HPSE2: variants seen among roughly 807,000 people sequenced by gnomAD.
HPSE2 encodes the protein heparanase 2 (inactive), also known as inactive heparanase-2.
Under a neutral mutation model 60.5 loss-of-function variants are expected in HPSE2, and 38 were observed. The ratio of observed to expected loss-of-function variants is 0.63; its 90% CI spans 0.48 to 0.82. The LOEUF (loss-of-function observed/expected upper bound fraction) is 0.82. Among genes scored for constraint, HPSE2 ranks in the 40% least tolerant of loss-of-function variants. The pLI, the probability that HPSE2 is intolerant of heterozygous loss-of-function variation, is 0.00. For synonymous variants in HPSE2, 295 were observed against 293.2 expected, an observed-to-expected ratio of 1.01 and a Z score of -0.06; for missense variants, 713 against 740.4, an observed-to-expected ratio of 0.96 and a Z score of 0.43.
chr10:98,703,708 TA>T (rs1948472081), intron 5 of HPSE2, among the ~76,000 whole-genome samples: 1 of 152,122 alleles, frequency 6.6e-6, no homozygotes, highest in Non-Finnish European at 1.5e-5. Context: ...ACCCCTTTGA[TA>T]AAAATCAACA....
intron 3 of HPSE2, among the ~76,000 whole-genome samples, chr10:98,746,414 T>C (rs747896558): frequency 4.6e-5 from 7 of 152,030 alleles, no homozygotes; most frequent in Non-Finnish European, 8.8e-5. Context: ...TTACATGCTT[T>C]ACTATTCAAC....
At chr10:98,968,097 A>C (rs1480909596) in intron 3 of HPSE2, among the ~76,000 whole-genome samples, 1 of 152,166 alleles carries the variant, frequency 6.6e-6, no homozygotes, top group Non-Finnish European at 1.5e-5. Flanking sequence ...CCTATAAGAG[A>C]AAAAAACATG....
intron 5 of HPSE2, among the ~76,000 whole-genome samples, chr10:98,714,794 T>A (rs978823659): frequency 6.6e-6 from 1 of 151,890 alleles, no homozygotes; most frequent in African/African-American, 2.4e-5. Flanking sequence ...TATATTCCCA[T>A]TAGCATTGTA....
intron 6 of HPSE2, among the ~76,000 whole-genome samples, chr10:98,668,113 T>A (rs1947415696): frequency 6.6e-6 from 1 of 152,160 alleles, no homozygotes; most frequent in Non-Finnish European, 1.5e-5. Flanking sequence ...GGCATTTCAA[T>A]ACACCAATAA....
chr10:98,555,329 G>A (rs1051662935), intron 9 of HPSE2, among the ~76,000 whole-genome samples: 12 of 152,132 alleles, frequency 7.9e-5, no homozygotes, highest in African/African-American at 2.7e-4. Flanking sequence ...CCCTCTGAGC[G>A]AGGTGCTGTT....
the HPSE2 span, among the ~76,000 whole-genome samples, chr10:99,278,179 C>T: frequency 1.3e-5 from 2 of 149,798 alleles, no homozygotes; most frequent in African/African-American, 4.9e-5. Context: ...TGATAATGAA[C>T]ATTTGTAAAG....
chr10:98,967,112 G>GT (rs950077803), intron 3 of HPSE2, among the ~76,000 whole-genome samples: 1 of 152,106 alleles, frequency 6.6e-6, no homozygotes, highest in Non-Finnish European at 1.5e-5. Context: ...ACTCCAAACG[G>GT]TTTTTTTCCG....
chr10:98,893,241 A>G (rs1017053596), intron 3 of HPSE2, among the ~76,000 whole-genome samples: 4 of 151,778 alleles, frequency 2.6e-5, no homozygotes, highest in Non-Finnish European at 2.9e-5. Flanking sequence ...CTAATTTTGT[A>G]TTTTTAGTAG....
chr10:98,866,654 G>A (rs1474048592), intron 3 of HPSE2, among the ~76,000 whole-genome samples: 1 of 152,048 alleles, frequency 6.6e-6, no homozygotes, highest in Non-Finnish European at 1.5e-5. Flanking sequence ...AGATAAGTAA[G>A]ACTTCAGATT....
chr10:98,736,098 G>A (rs577473743), intron 4 of HPSE2, among the ~76,000 whole-genome samples: 31 of 152,188 alleles, frequency 2.0e-4, no homozygotes, highest in African/African-American at 7.2e-4. Flanking sequence ...GTTGTGGGAG[G>A]GACCCAGTGG....
At chr10:98,525,138 G>A (rs1405660962) in intron 9 of HPSE2, among the ~76,000 whole-genome samples, 2 of 152,192 alleles carry the variant, frequency 1.3e-5, no homozygotes, top group Non-Finnish European at 2.9e-5. Context: ...AGCCTCCTGT[G>A]TAGCTGGGAT....
intron 2 of HPSE2, among the ~76,000 whole-genome samples, chr10:99,186,153 C>CA (rs1290901266): frequency 6.8e-6 from 1 of 147,776 alleles, no homozygotes; most frequent in Non-Finnish European, 1.5e-5. Flanking sequence ...CACACACACA[C>CA]AAGGCATATC....
chr10:98,464,221 T>C (rs1275523856), intron 11 of HPSE2, among the ~76,000 whole-genome samples: 1 of 152,236 alleles, frequency 6.6e-6, no homozygotes, highest in East Asian at 1.9e-4. Context: ...CAATTCCCAA[T>C]AGATTTTTTT....
chr10:98,565,157 A>AT lies in HPSE2; in HGVS notation c.1320+49746dup, dbSNP rs55964470. Among the ~76,000 whole-genome samples the AT allele has an allele frequency of 6.0e-3, 888 of 148,646 alleles. 5 individuals carry two copies. Among genetic ancestry groups the AT allele is most frequent in the Middle Eastern group, 6.8e-3 (2 of 292 alleles). On this transcript the variant is annotated intron_variant, in intron 9 of 11. Coordinates refer to ENST00000370552, the MANE Select transcript of HPSE2 (RefSeq NM_021828.5). ...CAAGCAGACAGACAAAACTTGAAGA[A>AT]TTTTTTTTTTTTAATTTTACTTTAA...
At chr10:98,946,677 GCACA>G (rs1379322834) in intron 3 of HPSE2, among the ~76,000 whole-genome samples, 2 of 151,980 alleles carry the variant, frequency 1.3e-5, no homozygotes, top group African/African-American at 4.8e-5. Flanking sequence ...AAAAAAGTAT[GCACA>G]CAAACACTTA....
At chr10:98,581,957 TCC>T (rs199857178) in intron 9 of HPSE2, among the ~76,000 whole-genome samples, 8,008 of 152,302 alleles carry the variant, frequency 0.053, 278 homozygotes, top group Middle Eastern at 0.13. Flanking sequence ...GTTTAGTGGG[TCC>T]CCTACACACA....
chr10:99,255,575 C>T, the HPSE2 span, among the ~76,000 whole-genome samples: 1 of 151,242 alleles, frequency 6.6e-6, no homozygotes, highest in African/African-American at 2.4e-5. Context: ...CACACACACA[C>T]ACACACACAC....
At position 98,700,339 on chromosome 10, in the gene HPSE2, G is replaced by A. The variant is rs199548194; in HGVS notation, c.957-6392C>T. ...GAACAGAGCCCTCAGAAATAACGCC[G>A]CATATCTACAACTATCTGATCTTTG... On this transcript the variant is annotated intron_variant, in intron 5 of 11. Transcript: ENST00000370552. Among the ~76,000 whole-genome samples the A allele has an allele frequency of 7.6e-4, 97 of 126,876 alleles. 2 individuals carry two copies. Among genetic ancestry groups the A allele is most frequent in the African/African-American group, 2.1e-3 (84 of 39,240 alleles). 83.2% of individuals were successfully genotyped at this position (126,876 alleles called of 152,430 possible).
At chr10:98,782,586 A>C (rs1950497384) in intron 3 of HPSE2, among the ~76,000 whole-genome samples, 1 of 113,092 alleles carries the variant, frequency 8.8e-6, no homozygotes, top group African/African-American at 3.5e-5. Context: ...GTGTTAGAGA[A>C]GAAATGAAGT....
Sources: gnomAD v4.1 joint callset for allele counts (sites outside exome capture counted in the v4.1 genomes callset) on GRCh38, gnomAD v4.1.1 for gene constraint, MANE v1.5 for transcripts, NCBI Gene and HGNC (gene_info 2026-07-23, HGNC 2026-07-21) for gene names.